Variants in CEP70 observed in about 807,000 individuals in gnomAD.
The protein encoded by CEP70 is centrosomal protein of 70 kDa.
CEP70 carries 70 observed loss-of-function variants against 90.9 expected under a neutral mutation model. That is an observed-to-expected ratio of 0.77 (90% CI 0.64 to 0.94). CEP70 has a LOEUF of 0.94. Ranked by LOEUF, CEP70 falls within the 40% of genes least tolerant of loss-of-function variation. CEP70 has a pLI of 0.00. For synonymous variants in CEP70, 220 were observed against 228.3 expected (o/e 0.96, Z 0.33); for missense variants, 648 against 669.0 (o/e 0.97, Z 0.35).
At chr3:138,499,783 T>TCTAC (rs138764339) in intron 16 of CEP70, 4 of 193,092 alleles carry the variant, frequency 2.1e-5, no homozygotes, top group Non-Finnish European at 3.2e-5. Context: ...TCTCTCTCTC[T>TCTAC]ACACACACAC....
chr3:138,500,834 C>T lies in CEP70; in HGVS notation c.1269G>A (p.Trp423Ter), dbSNP rs772977093. 6.2e-7 allele frequency: 1 copy of T among 1,605,856 alleles called. No homozygotes were observed. The highest frequency in any genetic ancestry group is 1.1e-5 in the South Asian group (1 of 90,172). ...TTTCATCCTGCTTCTTCAAATTAAG[C>T]CAAGGTACCAGTTCTGCAGATAGTG... Reference protein sequence around the residue: ...LKTLSAELVPWLNLKKQDENE... With the variant: ...LKTLSAELVP The change falls in exon 14 of 18, where the codon TGG (tryptophan) becomes TGA (stop). Residue 423 changes from tryptophan (W) to a stop codon, truncating the protein, a stop_gained. Transcript: ENST00000264982. LOFTEE classifies it high-confidence loss of function.
rs368361630 is a variant in CEP70, at chr3:138,505,282, G to C, written c.1221+13C>G. 1.0e-5 allele frequency: 16 copies of C among 1,583,962 alleles called. No homozygotes were observed. Among genetic ancestry groups the C allele is most frequent in the Non-Finnish European group, 1.4e-5 (16 of 1,166,058 alleles). ...TAGATGTTCAAAGCATATAATCATA[G>C]TCAACCCCTTACCTTTAAGGATGTC... On this transcript the variant is annotated intron_variant, in intron 13 of 17. Transcript: ENST00000264982.
chr3:138,503,002 C>T (rs767272042), intron 13 of CEP70, among the ~76,000 whole-genome samples: 4 of 152,132 alleles, frequency 2.6e-5, no homozygotes, highest in Non-Finnish European at 5.9e-5. Context: ...CTTTCCCAGC[C>T]TTCTTTTCTT....
intron 16 of CEP70, 58 bp downstream of exon 16, chr3:138,500,052 G>A (rs777481482): frequency 3.1e-5 from 35 of 1,143,144 alleles, no homozygotes; most frequent in Non-Finnish European, 3.6e-5. Context: ...GACTACAGGC[G>A]TGTGCCACCA....
In CEP70 at chr3:138,572,392, A is replaced by T. The variant is rs146823885; in HGVS notation, c.69+467T>A. 4.8e-3 allele frequency among the ~76,000 whole-genome samples: 726 copies of T among 152,308 alleles called. 4 individuals carry two copies. Among genetic ancestry groups the T allele is most frequent in the African/African-American group, 0.017 (699 of 41,554 alleles). On this transcript the variant is annotated intron_variant, in intron 3 of 17. Coordinates refer to ENST00000264982, the MANE Select transcript of CEP70 (RefSeq NM_024491.4). The stretch of plus-strand genomic sequence containing the variant: ...TACGTGGTAGACACAACTAAAATTA[A>T]CATTGATGTTGTTTTAGGAGCCAAA...
chr3:138,508,430 A>G lies in CEP70; in HGVS notation c.1050+9T>C. 1 of 1,547,738 alleles carries G rather than the reference A, an allele frequency of 6.5e-7. No individual in the cohort carries two copies. The highest frequency in any genetic ancestry group is 8.9e-7 in the Non-Finnish European group (1 of 1,119,732). On this transcript the variant is annotated intron_variant, in intron 12 of 17. Transcript: ENST00000264982. ...TCAGTCTTTTTGTCATGAAAAATCA[A>G]TTCAATACCTGAAAGTATCTCTGGT...
intron 6 of CEP70, among the ~76,000 whole-genome samples, chr3:138,552,834 A>T (rs1229136938): frequency 6.6e-6 from 1 of 152,198 alleles, no homozygotes; most frequent in African/African-American, 2.4e-5. Context: ...ATCAGAGCAG[A>T]GCTAAATGAA....
At chr3:138,497,933 A>G in intron 17 of CEP70, 98 bp downstream of exon 17, 1 of 1,539,746 alleles carries the variant, frequency 6.5e-7, no homozygotes, top group Non-Finnish European at 8.7e-7. Context: ...TCCAACCACT[A>G]GGTAAAAATA....
chr3:138,583,122 G>C lies in CEP70; in HGVS notation c.-6+8732C>G, dbSNP rs577296540. ...GACTGAAAATTAAGAAATGGAAAAGGATATTACATGCCAATGAATCCAGTA... is the reference window on the plus strand; with the variant it reads ...GACTGAAAATTAAGAAATGGAAAAGCATATTACATGCCAATGAATCCAGTA... On this transcript the variant is annotated intron_variant, in intron 2 of 17. Coordinates refer to ENST00000264982, the MANE Select transcript of CEP70 (RefSeq NM_024491.4). 3.2e-3 allele frequency among the ~76,000 whole-genome samples: 485 copies of C among 152,174 alleles called. 1 individual carries two copies. The highest frequency in any genetic ancestry group is 4.8e-3 in the Non-Finnish European group (328 of 68,000).
At chr3:138,585,827 A>G (rs1261515347) in intron 2 of CEP70, among the ~76,000 whole-genome samples, 2 of 152,182 alleles carry the variant, frequency 1.3e-5, no homozygotes, top group African/African-American at 4.8e-5. Context: ...TGGGATATCC[A>G]TATGCAGAAG....
chr3:138,529,061 G>A (rs2037556210), intron 10 of CEP70, 138 bp downstream of exon 10: 1 of 575,122 alleles, frequency 1.7e-6, no homozygotes, highest in South Asian at 2.4e-5. Flanking sequence ...AGCTACTTAA[G>A]AGGCTGAAGT....
intron 11 of CEP70, among the ~76,000 whole-genome samples, chr3:138,508,819 C>T (rs1576552420): frequency 1.3e-5 from 2 of 151,876 alleles, no homozygotes; most frequent in African/African-American, 4.8e-5. Context: ...CTGCAAGCTC[C>T]GTCTCCCGGG....
chr3:138,578,029 T>C lies in CEP70; in HGVS notation c.-5-5097A>G, dbSNP rs2041646653. Among the ~76,000 whole-genome samples, 3 of 152,204 alleles carry C rather than the reference T, an allele frequency of 2.0e-5. No homozygotes were observed. In the South Asian group the frequency reaches 6.2e-4, roughly 32 times the overall value. On this transcript the variant is annotated intron_variant, in intron 2 of 17. Coordinates refer to ENST00000264982, the MANE Select transcript of CEP70 (RefSeq NM_024491.4). Reference sequence around the variant, plus strand: ...AGCAAAGCTAAAAACCCAAAAGCAATAGCAGGTCTTCCCTATACATGGGGA... The same window carrying C: ...AGCAAAGCTAAAAACCCAAAAGCAACAGCAGGTCTTCCCTATACATGGGGA...
chr3:138,588,306 A>G (rs886198279), intron 2 of CEP70, among the ~76,000 whole-genome samples: 2 of 152,214 alleles, frequency 1.3e-5, no homozygotes, highest in Non-Finnish European at 2.9e-5. Context: ...GAGAAACCAC[A>G]TACTCAGAGA....
In CEP70 at chr3:138,570,516, C is replaced by T. The variant is rs746466891; in HGVS notation, c.285-18G>A. The stretch of plus-strand genomic sequence containing the variant: ...GTTCATTTCTAAGTTAATAGACATA[C>T]AATTTCTTCCCTTAGTATTAAAAAT... On this transcript the variant is annotated intron_variant, in intron 5 of 17. Coordinates refer to ENST00000264982, the MANE Select transcript of CEP70 (RefSeq NM_024491.4). 1.3e-6 allele frequency: 2 copies of T among 1,570,286 alleles called. No individual in the cohort carries two copies. Among genetic ancestry groups the T allele is most frequent in the East Asian group, 2.3e-5 (1 of 43,090 alleles).
At chr3:138,551,582 C>T (rs1430197802) in intron 6 of CEP70, among the ~76,000 whole-genome samples, 4 of 151,924 alleles carry the variant, frequency 2.6e-5, no homozygotes, top group African/African-American at 9.7e-5. Flanking sequence ...CCCGTCTCTA[C>T]TAAAAATACA....
At chr3:138,516,995 A>G (rs535076612) in intron 11 of CEP70, among the ~76,000 whole-genome samples, 1 of 152,312 alleles carries the variant, frequency 6.6e-6, no homozygotes, top group African/African-American at 2.4e-5. Flanking sequence ...CAAAGTCAGG[A>G]AGGGTACAAG....
At chr3:138,559,969 A>T (rs887968906) in intron 6 of CEP70, among the ~76,000 whole-genome samples, 2 of 152,222 alleles carry the variant, frequency 1.3e-5, no homozygotes, top group African/African-American at 2.4e-5. Context: ...GAGGACATAA[A>T]GAAACTAGAA....
Position 138,500,579 on chromosome 3 carries a change from A to T in CEP70, c.1369-12T>A, listed in dbSNP as rs1158085719. The stretch of plus-strand genomic sequence containing the variant: ...GGCATATTGCTGTCCTGTCCAAAAA[A>T]GAGGTAAAAAAGAAAGAGTTCATTA... On this transcript the variant is annotated splice_polypyrimidine_tract_variant and intron_variant, in intron 14 of 17. Coordinates refer to ENST00000264982, the MANE Select transcript of CEP70 (RefSeq NM_024491.4). 6.4e-7 allele frequency: 1 copy of T among 1,570,118 alleles called. No homozygotes were observed. The highest frequency in any genetic ancestry group is 8.6e-7 in the Non-Finnish European group (1 of 1,167,770).
Sources: gnomAD v4.1 joint callset for allele counts (sites outside exome capture counted in the v4.1 genomes callset) on GRCh38, gnomAD v4.1.1 for gene constraint, MANE v1.5 for transcripts, NCBI Gene and HGNC (gene_info 2026-07-23, HGNC 2026-07-21) for gene names.